The following BACH2 variants were observed in gnomAD, a reference collection of about 807,000 sequenced individuals.
The protein encoded by BACH2 is transcription regulator protein BACH2.
In BACH2, 5 loss-of-function variants were observed where a neutral mutation model predicts 61.8. That is an observed-to-expected ratio of 0.08 (90% CI 0.04 to 0.17). The LOEUF (loss-of-function observed/expected upper bound fraction) is 0.17. Among genes scored for constraint, BACH2 ranks in the 10% least tolerant of loss-of-function variants. BACH2 has a pLI of 1.00. For synonymous variants in BACH2, 446 were observed against 440.1 expected (o/e 1.01, Z -0.17); for missense variants, 824 against 1,091.1 (o/e 0.76, Z 3.45).
chr6:89,994,433 T>C (rs907364464), intron 6 of BACH2, among the ~76,000 whole-genome samples: 1 of 152,236 alleles, frequency 6.6e-6, no homozygotes, highest in Non-Finnish European at 1.5e-5. Context: ...AAAGGTCTTC[T>C]AACTTTAAAT....
At chr6:90,126,140 A>G (rs991738339) in intron 4 of BACH2, among the ~76,000 whole-genome samples, 5 of 152,242 alleles carry the variant, frequency 3.3e-5, no homozygotes, top group African/African-American at 1.2e-4. Flanking sequence ...GTCCCATTAC[A>G]AAACCTGAAG....
chr6:90,103,029 A>ATATATAT, intron 4 of BACH2, among the ~76,000 whole-genome samples: 9 of 21,162 alleles, frequency 4.3e-4, no homozygotes, highest in Non-Finnish European at 6.4e-4. Context: ...ATATATATAT[A>ATATATAT]TTTTTTTTTT....
chr6:90,090,479 C>T (rs1248637971), intron 4 of BACH2, among the ~76,000 whole-genome samples: 1 of 152,072 alleles, frequency 6.6e-6, no homozygotes, highest in African/African-American at 2.4e-5. Flanking sequence ...TTATCACAGA[C>T]AGAGAAAAAT....
At chr6:90,047,028 T>C (rs1779814602) in intron 5 of BACH2, among the ~76,000 whole-genome samples, 2 of 152,136 alleles carry the variant, frequency 1.3e-5, no homozygotes, top group Admixed American at 1.3e-4. Flanking sequence ...GCCTCCGGGT[T>C]CAAGCGATTC....
intron 4 of BACH2, among the ~76,000 whole-genome samples, chr6:90,127,383 G>A (rs532788191): frequency 1.6e-4 from 24 of 152,286 alleles, no homozygotes; most frequent in Non-Finnish European, 2.9e-4. Flanking sequence ...GGCCTTGCTG[G>A]TGGTTTTTCC....
At chr6:90,224,731 A>AC (rs1465621305) in intron 3 of BACH2, among the ~76,000 whole-genome samples, 1 of 152,188 alleles carries the variant, frequency 6.6e-6, no homozygotes, top group Non-Finnish European at 1.5e-5. Context: ...ACTTCTGCAG[A>AC]CCAGAGTTTG....
At chr6:89,974,413 A>G (rs1466544013) in intron 6 of BACH2, among the ~76,000 whole-genome samples, 1 of 152,234 alleles carries the variant, frequency 6.6e-6, no homozygotes, top group Non-Finnish European at 1.5e-5. Context: ...CATCATCATC[A>G]TCACTGTGTT....
chr6:90,202,855 A>C (rs1769001928), intron 4 of BACH2, among the ~76,000 whole-genome samples: 1 of 152,170 alleles, frequency 6.6e-6, no homozygotes, highest in Non-Finnish European at 1.5e-5. Context: ...GAATGTACAC[A>C]GTGGTCAGTA....
intron 4 of BACH2, among the ~76,000 whole-genome samples, chr6:90,156,633 G>A (rs1394317502): frequency 1.3e-5 from 2 of 152,100 alleles, no homozygotes; most frequent in African/African-American, 4.8e-5. Flanking sequence ...GGCATTTCAG[G>A]TGGTCTTTAC....
intron 3 of BACH2, among the ~76,000 whole-genome samples, chr6:90,221,292 C>G (rs1360844114): frequency 6.6e-6 from 1 of 151,974 alleles, no homozygotes; most frequent in Non-Finnish European, 1.5e-5. Context: ...AATCATAAGC[C>G]ACCCAGTGAG....
At chr6:90,113,322 G>A (rs1429069847) in intron 4 of BACH2, among the ~76,000 whole-genome samples, 1 of 151,982 alleles carries the variant, frequency 6.6e-6, no homozygotes, top group Non-Finnish European at 1.5e-5. Context: ...TCTCCACAAG[G>A]CACATACTCT....
intron 6 of BACH2, among the ~76,000 whole-genome samples, chr6:89,981,527 G>A (rs1378557414): frequency 1.3e-5 from 2 of 152,082 alleles, no homozygotes; most frequent in African/African-American, 2.4e-5. Context: ...ACTGCCAATC[G>A]ATATTCATGT....
At chr6:90,156,915 G>A (rs1011914071) in intron 4 of BACH2, among the ~76,000 whole-genome samples, 1 of 152,222 alleles carries the variant, frequency 6.6e-6, no homozygotes, top group Non-Finnish European at 1.5e-5. Flanking sequence ...GAACTGTGCA[G>A]CATCCAGAGA....
intron 3 of BACH2, among the ~76,000 whole-genome samples, chr6:90,236,080 A>C (rs912202693): frequency 6.6e-6 from 1 of 152,258 alleles, no homozygotes; most frequent in Non-Finnish European, 1.5e-5. Flanking sequence ...TGTTAATTGC[A>C]GCTCAAGCCT....
intron 6 of BACH2, among the ~76,000 whole-genome samples, chr6:89,992,291 T>C (rs1187938158): frequency 2.0e-5 from 3 of 152,212 alleles, no homozygotes; most frequent in South Asian, 2.1e-4. Flanking sequence ...ATACCATATA[T>C]AGTGTACATA....
intron 4 of BACH2, among the ~76,000 whole-genome samples, chr6:90,184,881 C>T (rs967866968): frequency 2.0e-5 from 3 of 152,190 alleles, no homozygotes; most frequent in African/African-American, 7.2e-5. Context: ...ATACTTGCGC[C>T]ATTACTTCTC....
intron 6 of BACH2, among the ~76,000 whole-genome samples, chr6:89,977,200 T>C (rs1402540888): frequency 6.6e-6 from 1 of 152,212 alleles, no homozygotes. Flanking sequence ...CTTGGATTTA[T>C]TTGAAAAATG....
chr6:90,158,222 A>G (rs985064275), intron 4 of BACH2, among the ~76,000 whole-genome samples: 2 of 152,206 alleles, frequency 1.3e-5, no homozygotes, highest in African/African-American at 4.8e-5. Flanking sequence ...TATGAGTTGT[A>G]TACAACAGAA....
rs1779788121 is a variant in BACH2 at position 90,046,575 on chromosome 6, AG to A, written c.-12-37720del. On this transcript the variant is annotated intron_variant, in intron 5 of 8. Coordinates refer to ENST00000257749, the MANE Select transcript of BACH2 (RefSeq NM_021813.4). ...CCCAAAAGAAGACAAAAGACATAGT[AG>A]CTATTTTGAAATTTCAAAGGAGCTA... 2.0e-5 allele frequency among the ~76,000 whole-genome samples: 3 copies of A among 152,242 alleles called. 1 individual carries two copies. The South Asian group carries it at 6.2e-4, about 32-fold the overall frequency.
Sources: gnomAD v4.1 joint callset for allele counts (sites outside exome capture counted in the v4.1 genomes callset) on GRCh38, gnomAD v4.1.1 for gene constraint, MANE v1.5 for transcripts, NCBI Gene and HGNC (gene_info 2026-07-23, HGNC 2026-07-21) for gene names.